The following IL1RAPL2 variants were observed in gnomAD, a reference collection of about 807,000 sequenced individuals.
IL1RAPL2 encodes the protein X-linked interleukin-1 receptor accessory protein-like 2.
IL1RAPL2 carries 3 observed loss-of-function variants against 44.1 expected under a neutral mutation model. The ratio of observed to expected loss-of-function variants is 0.07; its 90% CI spans 0.03 to 0.18. The LOEUF is 0.18. IL1RAPL2 is among the 10% of genes least tolerant of loss of function. The probability of loss-of-function intolerance (pLI) is 1.00; values close to 1 mark genes in which losing one functional copy is unlikely to be tolerated. For synonymous variants in IL1RAPL2, 181 were observed against 178.8 expected, an observed-to-expected ratio of 1.01 and a Z score of -0.10; for missense variants, 391 against 496.4, an observed-to-expected ratio of 0.79 and a Z score of 2.02.
chrX:105,474,864 C>T (rs886879946), intron 5 of IL1RAPL2, among the ~76,000 whole-genome samples: 2 of 109,635 alleles, frequency 1.8e-5, no homozygotes, highest in Non-Finnish European at 3.8e-5. Context: ...TTTGAACACA[C>T]ACACAAAAAA....
chrX:105,492,620 G>T (rs1469839098), intron 6 of IL1RAPL2, among the ~76,000 whole-genome samples: 2 of 109,238 alleles, frequency 1.8e-5, no homozygotes, highest in African/African-American at 6.6e-5. Flanking sequence ...AGTAGTAGTG[G>T]CAGTGGTGGT....
rs1491220948 is a variant in IL1RAPL2 at position 105,447,107 on chromosome X, A to ATG, written c.698-37206_698-37205insTG. On this transcript the variant is annotated intron_variant, in intron 5 of 10. Transcript: ENST00000372582. Reference sequence around the variant, plus strand: ...TATATATATATATATATATATATATAAAAATATATATAAATATAAATATAT... The same window carrying ATG: ...TATATATATATATATATATATATATATGAAAATATATATAAATATAAATATAT... Among the ~76,000 whole-genome samples the ATG allele has an allele frequency of 1.5e-3, 49 of 32,698 alleles. 1 individual carries two copies. Among genetic ancestry groups the ATG allele is most frequent in the African/African-American group, 0.011 (47 of 4,111 alleles). The allele number at this position is 32,698 out of a possible 115,157, so 28.4% of individuals were successfully genotyped here. A position where few individuals can be genotyped will look rare whatever the true frequency, so the allele number is the denominator to read the frequency against.
intron 2 of IL1RAPL2, among the ~76,000 whole-genome samples, chrX:105,072,496 GTT>G (rs1431969806): frequency 9.0e-6 from 1 of 111,311 alleles, no homozygotes; most frequent in African/African-American, 3.3e-5. Context: ...ATGTGGGAAA[GTT>G]TGCAACTTTC....
intron 5 of IL1RAPL2, among the ~76,000 whole-genome samples, chrX:105,428,649 T>C (rs1411222795): frequency 8.9e-6 from 1 of 112,280 alleles, no homozygotes; most frequent in East Asian, 2.8e-4. Flanking sequence ...AGAAAAGATT[T>C]AAAGCAGACT....
In IL1RAPL2 at chrX:104,874,279, C is replaced by CCTCTCCCTCTCTCTCTCTCTCTCT. The variant is rs747491911; in HGVS notation, c.82+215289_82+215290insCCTCTCTCTCTCTCTCTCTCTCTC. ...TTGATTATTTTTAACTGTCTGTATT[C>CCTCTCCCTCTCTCTCTCTCTCTCT]CTCTCTCTCTCTCTCTCTCTCTCTC... On this transcript the variant is annotated intron_variant, in intron 2 of 10. Transcript: ENST00000372582. Among the ~76,000 whole-genome samples the CCTCTCCCTCTCTCTCTCTCTCTCT allele has an allele frequency of 4.2e-3, 324 of 76,278 alleles. 7 individuals carry two copies. The highest frequency in any genetic ancestry group is 6.2e-3 in the Non-Finnish European group (245 of 39,443). 66.2% of individuals were successfully genotyped at this position (76,278 alleles called of 115,157 possible).
intron 2 of IL1RAPL2, among the ~76,000 whole-genome samples, chrX:104,806,259 G>T (rs181750589): frequency 1.8e-5 from 2 of 112,466 alleles, no homozygotes; most frequent in Non-Finnish European, 3.8e-5. Flanking sequence ...CTATCTGAAT[G>T]TGTCTTATTT....
chrX:104,656,434 C>T (rs989763082), intron 1 of IL1RAPL2, among the ~76,000 whole-genome samples: 1 of 111,581 alleles, frequency 9.0e-6, no homozygotes, highest in South Asian at 3.8e-4. Context: ...CGTTATTTAC[C>T]CAGTAATCAT....
intron 2 of IL1RAPL2, among the ~76,000 whole-genome samples, chrX:104,852,099 A>G (rs1922241222): frequency 8.9e-6 from 1 of 111,784 alleles, no homozygotes; most frequent in Admixed American, 9.5e-5. Flanking sequence ...CCATTAAATA[A>G]CAGAAAGGGA....
At chrX:105,505,217 C>T (rs955227774) in intron 6 of IL1RAPL2, among the ~76,000 whole-genome samples, 19 of 111,677 alleles carry the variant, frequency 1.7e-4, no homozygotes, top group African/African-American at 4.9e-4. Context: ...TGAGATTTAA[C>T]TGATTTAACA....
intron 6 of IL1RAPL2, among the ~76,000 whole-genome samples, chrX:105,590,700 A>AT (rs1311349525): frequency 9.0e-6 from 1 of 111,321 alleles, no homozygotes; most frequent in Non-Finnish European, 1.9e-5. Flanking sequence ...CATCCCAGGT[A>AT]TAAAGCCTAC....
intron 5 of IL1RAPL2, among the ~76,000 whole-genome samples, chrX:105,392,577 G>A (rs6523845): frequency 0.036 from 4,010 of 111,420 alleles, 201 homozygotes; most frequent in African/African-American, 0.12. Context: ...CTCAGGAGAA[G>A]ATGAGGAACT....
chrX:104,656,635 T>G lies in IL1RAPL2; in HGVS notation c.-19-2260T>G, dbSNP rs138859022. Among the ~76,000 whole-genome samples, 73 of 111,787 alleles carry G rather than the reference T, an allele frequency of 6.5e-4. No homozygotes were observed. The East Asian group carries it at 9.0e-3, about 14-fold the overall frequency. On this transcript the variant is annotated intron_variant, in intron 1 of 10. Transcript: ENST00000372582. Reference sequence around the variant, plus strand: ...TGGAATAAGTGCAATGTGGTGCAGATAAGAATGTATATTCTGTTGATTTGG... The same window carrying G: ...TGGAATAAGTGCAATGTGGTGCAGAGAAGAATGTATATTCTGTTGATTTGG...
intron 5 of IL1RAPL2, among the ~76,000 whole-genome samples, chrX:105,470,695 A>G (rs922255375): frequency 1.8e-5 from 2 of 111,908 alleles, no homozygotes; most frequent in Admixed American, 9.5e-5. Context: ...TCCATTTTTT[A>G]TGCATTATTA....
chrX:105,496,850 G>C (rs10126835), intron 6 of IL1RAPL2, among the ~76,000 whole-genome samples: 24,269 of 111,203 alleles, frequency 0.22, 6,423 homozygotes, highest in African/African-American at 0.75. Flanking sequence ...TCACTTCTGT[G>C]TGTGTTTCCA....
At chrX:105,471,779 A>G (rs922359883) in intron 5 of IL1RAPL2, among the ~76,000 whole-genome samples, 1 of 111,400 alleles carries the variant, frequency 9.0e-6, no homozygotes, top group African/African-American at 3.3e-5. Context: ...ACACAGCAAG[A>G]TCTATTTGCA....
intron 2 of IL1RAPL2, among the ~76,000 whole-genome samples, chrX:104,782,601 C>T (rs746569937): frequency 3.7e-4 from 41 of 111,619 alleles, no homozygotes; most frequent in Non-Finnish European, 6.2e-4. Flanking sequence ...TAACCTGAAC[C>T]ATCAAGTTAA....
chrX:104,646,206 A>G (rs1321203976), intron 1 of IL1RAPL2, among the ~76,000 whole-genome samples: 1 of 111,678 alleles, frequency 9.0e-6, no homozygotes, highest in Non-Finnish European at 1.9e-5. Context: ...TAAAACTAAC[A>G]TAATGACATT....
chrX:104,816,354 A>G (rs952346171), intron 2 of IL1RAPL2, among the ~76,000 whole-genome samples: 1 of 112,053 alleles, frequency 8.9e-6, no homozygotes, highest in East Asian at 2.8e-4. Context: ...TTGGAGAAAG[A>G]ACTCCTGAGT....
intron 2 of IL1RAPL2, among the ~76,000 whole-genome samples, chrX:105,037,389 G>T (rs760900530): frequency 2.7e-5 from 3 of 111,267 alleles, no homozygotes; most frequent in Non-Finnish European, 3.8e-5. Flanking sequence ...TAGAAAAAGG[G>T]TTGGGTAGTT....
Sources: allele counts gnomAD v4.1 joint callset (sites outside exome capture counted in the v4.1 genomes callset), GRCh38; gene constraint gnomAD v4.1.1; transcripts MANE v1.5; gene names NCBI Gene and HGNC (gene_info 2026-07-23, HGNC 2026-07-21).